ARSG: variants seen among roughly 807,000 people sequenced by gnomAD.
ARSG encodes arylsulfatase G, also known as ASG.
A neutral mutation model predicts 50.5 loss-of-function variants in ARSG; 37 were observed. The observed-to-expected ratio is 0.73, with a 90% CI of 0.56 to 0.96. ARSG has a LOEUF of 0.96. Among genes scored for constraint, ARSG ranks in the 50% least tolerant of loss-of-function variants. ARSG has a pLI of 0.00. For missense variants in ARSG, 629 were observed against 675.3 expected, an observed-to-expected ratio of 0.93 and a Z score of 0.76; for synonymous variants, 225 against 254.6, an observed-to-expected ratio of 0.88 and a Z score of 1.11.
At chr17:68,335,018 A>G (rs911642192) in intron 2 of ARSG, among the ~76,000 whole-genome samples, 1 of 151,964 alleles carries the variant, frequency 6.6e-6, no homozygotes, top group Non-Finnish European at 1.5e-5. Context: ...ATTTGTTGAG[A>G]CAGGGTCTCA....
In ARSG at chr17:68,307,346, C is replaced by T; in HGVS notation, c.-148C>T. 1.6e-6 allele frequency: 1 copy of T among 643,370 alleles called. No homozygotes were observed. Among genetic ancestry groups the T allele is most frequent in the African/African-American group, 1.8e-5 (1 of 54,786 alleles). The allele number at this position is 643,370 out of a possible 1,614,324, so 39.9% of individuals were successfully genotyped here. On this transcript the variant is annotated 5_prime_UTR_variant, in exon 2 of 12. Coordinates refer to ENST00000621439, the MANE Select transcript of ARSG (RefSeq NM_001267727.2). ...TTCCTATAGCCGTTATCACTGCCATCACCACTGCCACCAGCATCTTCTTGC... is the reference window on the plus strand; with the variant it reads ...TTCCTATAGCCGTTATCACTGCCATTACCACTGCCACCAGCATCTTCTTGC...
chr17:68,397,057 G>A (rs2081279295), intron 10 of ARSG, among the ~76,000 whole-genome samples: 1 of 152,292 alleles, frequency 6.6e-6, no homozygotes, highest in East Asian at 1.9e-4. Context: ...TGACGTTGTC[G>A]GTACTGCCTG....
chr17:68,396,812 T>A (rs1379888760), intron 10 of ARSG, among the ~76,000 whole-genome samples: 1 of 152,054 alleles, frequency 6.6e-6, no homozygotes, highest in African/African-American at 2.4e-5. Flanking sequence ...AAGTCCTGCT[T>A]CTCCCCAGAA....
intron 2 of ARSG, among the ~76,000 whole-genome samples, chr17:68,308,207 G>A (rs1408032494): frequency 6.6e-6 from 1 of 152,202 alleles, no homozygotes; most frequent in African/African-American, 2.4e-5. Flanking sequence ...TCGGGAGGCT[G>A]AAGTGGGAGT....
intron 10 of ARSG, among the ~76,000 whole-genome samples, chr17:68,396,208 G>A (rs1395484057): frequency 2.0e-5 from 3 of 152,070 alleles, no homozygotes; most frequent in East Asian, 1.9e-4. Flanking sequence ...GTATAGGTGA[G>A]GTTTCACCAT....
downstream of ARSG, chr17:68,427,031 C>A: frequency 1.1e-6 from 1 of 944,538 alleles, no homozygotes. Flanking sequence ...GAGGGCACTC[C>A]ACCCCCAGGT....
intron 1 of ARSG, among the ~76,000 whole-genome samples, chr17:68,283,998 C>T (rs185314897): frequency 6.7e-5 from 10 of 148,166 alleles, no homozygotes; most frequent in African/African-American, 1.8e-4. Flanking sequence ...GGCTGAGGCA[C>T]GAGAATCACT....
At chr17:68,293,200 C>CT (rs1408132791) in intron 1 of ARSG, among the ~76,000 whole-genome samples, 4 of 152,150 alleles carry the variant, frequency 2.6e-5, no homozygotes, top group African/African-American at 9.7e-5. Flanking sequence ...GTAAGATAAT[C>CT]TTTGATATTT....
chr17:68,271,742 C>T lies in ARSG; in HGVS notation c.-552+12316C>T, dbSNP rs782292749. 28 of 996,762 alleles carry T rather than the reference C, an allele frequency of 2.8e-5. No individual in the cohort carries two copies. The highest frequency in any genetic ancestry group is 4.5e-4 in the Middle Eastern group (2 of 4,428). The allele number at this position is 996,762 out of a possible 1,614,324, so 61.7% of individuals were successfully genotyped here. ...GAAGCCATCAAGAAGAAATATGGAT[C>T]CAGATTTTGTTATAAGTTCTGTGGA... On this transcript the variant is annotated intron_variant, in intron 1 of 11. Transcript: ENST00000448504. This position sits in a 1 kb window ranked among gnomAD's most constrained non-coding sequence, Gnocchi z 5.3.
Position 68,333,353 on chromosome 17 carries a change from C to T in ARSG, c.219-10251C>T, listed in dbSNP as rs924798321. ...AATAAAAGAGTAATAAGAGGCCGGG[C>T]GTGGTGGCTCACGCCTGTAATCCTA... On this transcript the variant is annotated intron_variant, in intron 2 of 11. Transcript: ENST00000621439. Among the ~76,000 whole-genome samples, 13 of 151,100 alleles carry T rather than the reference C, an allele frequency of 8.6e-5. No homozygotes were observed. The East Asian group carries it at 1.8e-3, about 21-fold the overall frequency.
rs1439440567 is a variant in ARSG at position 68,393,870 on chromosome 17, A to AAAAAAAAAG, written c.1092-1195_1092-1194insGAAAAAAAA. Reference sequence around the variant, plus strand: ...GCAACAGAACAAGACTCCATCTCAAAAAAAAAAAAAAGGGAAAGAAAAAGA... The same window carrying AAAAAAAAAG: ...GCAACAGAACAAGACTCCATCTCAAAAAAAAAAAGAAAAAAAAAAAGGGAAAGAAAAAGA... On this transcript the variant is annotated intron_variant, in intron 9 of 11. Coordinates refer to ENST00000621439, the MANE Select transcript of ARSG (RefSeq NM_001267727.2). 5.3e-5 allele frequency among the ~76,000 whole-genome samples: 8 copies of AAAAAAAAAG among 151,144 alleles called. No individual in the cohort carries two copies. The East Asian group carries it at 1.4e-3, about 26-fold the overall frequency.
chr17:68,413,137 T>C (rs1307501669), intron 11 of ARSG, among the ~76,000 whole-genome samples: 2 of 152,230 alleles, frequency 1.3e-5, no homozygotes, highest in Non-Finnish European at 2.9e-5. Flanking sequence ...AGTTATTCTC[T>C]GTCCAGCTTT....
chr17:68,373,835 A>G (rs1017784122), intron 8 of ARSG, among the ~76,000 whole-genome samples: 2 of 152,032 alleles, frequency 1.3e-5, no homozygotes, highest in African/African-American at 4.8e-5. Context: ...GATGCTAAGG[A>G]GGACTGGAGG....
At chr17:68,265,407 T>C (rs1365531651) in intron 1 of ARSG, among the ~76,000 whole-genome samples, 1 of 152,034 alleles carries the variant, frequency 6.6e-6, no homozygotes, top group African/African-American at 2.4e-5. Context: ...CGCAGGAGAA[T>C]TGCTTGAACT....
In ARSG at chr17:68,297,894, A is replaced by G. The variant is rs569883281; in HGVS notation, c.-552+6326A>G. 4.6e-5 allele frequency among the ~76,000 whole-genome samples: 7 copies of G among 151,994 alleles called. No homozygotes were observed. The East Asian group carries it at 1.4e-3, about 29-fold the overall frequency. On this transcript the variant is annotated intron_variant, in intron 1 of 11. Transcript: ENST00000621439. ...GGACTAACAGTAGCCAATATTTCTTAGCACTTACTGAGAACTTGGGTTGGA... is the reference window on the plus strand; with the variant it reads ...GGACTAACAGTAGCCAATATTTCTTGGCACTTACTGAGAACTTGGGTTGGA...
intron 2 of ARSG, among the ~76,000 whole-genome samples, chr17:68,326,082 A>C (rs1555772290): frequency 6.6e-6 from 1 of 152,230 alleles, no homozygotes; most frequent in Non-Finnish European, 1.5e-5. Context: ...TGACAAGACT[A>C]GGCAGACATA....
At chr17:68,439,808 C>A in the ARSG span, among the ~76,000 whole-genome samples, 21 of 152,090 alleles carry the variant, frequency 1.4e-4, no homozygotes, top group African/African-American at 3.6e-4. Flanking sequence ...TGAAGGCTAC[C>A]GTGATATAGA....
intron 2 of ARSG, among the ~76,000 whole-genome samples, chr17:68,330,310 A>G (rs1278876710): frequency 6.6e-6 from 1 of 152,120 alleles, no homozygotes; most frequent in Non-Finnish European, 1.5e-5. Flanking sequence ...GTGGGGAGTA[A>G]GTAGGGCTGC....
intron 1 of ARSG, among the ~76,000 whole-genome samples, chr17:68,275,920 T>G (rs2075501106): frequency 1.3e-5 from 2 of 148,972 alleles, no homozygotes; most frequent in Admixed American, 6.7e-5. Flanking sequence ...GAGGCGGAGG[T>G]TGCAGTGAGC....
Sources: gnomAD v4.1 joint callset for allele counts (sites outside exome capture counted in the v4.1 genomes callset) on GRCh38, gnomAD v4.1.1 for gene constraint, Gnocchi (gnomAD v3.1) non-coding constraint, MANE v1.5 for transcripts, NCBI Gene and HGNC (gene_info 2026-07-23, HGNC 2026-07-21) for gene names.